The following USP37 variants were observed in gnomAD, a reference collection of about 807,000 sequenced individuals.
USP37 encodes ubiquitin carboxyl-terminal hydrolase 37.
In USP37, 27 loss-of-function variants were observed where a neutral mutation model predicts 124.0. The ratio of observed to expected loss-of-function variants is 0.22; its 90% CI spans 0.16 to 0.30. USP37 has a LOEUF of 0.30. Among genes scored for constraint, USP37 ranks in the 10% least tolerant of loss-of-function variants. USP37 has a pLI of 1.00. For missense variants in USP37, 889 were observed against 1,140.4 expected (o/e 0.78, Z 3.17); for synonymous variants, 365 against 388.0 (o/e 0.94, Z 0.70).
chr2:218,560,170 T>C (rs1486820380), intron 3 of USP37, among the ~76,000 whole-genome samples: 1 of 152,198 alleles, frequency 6.6e-6, no homozygotes, highest in Non-Finnish European at 1.5e-5. Flanking sequence ...CGAACTCAAA[T>C]TTTATACTAT....
intron 5 of USP37, among the ~76,000 whole-genome samples, chr2:218,552,855 T>C (rs564664845): frequency 1.3e-5 from 2 of 152,116 alleles, no homozygotes; most frequent in African/African-American, 4.8e-5. Context: ...CTGGTGGAGG[T>C]TGCAGTGAGC....
In USP37 at chr2:218,534,894, C is replaced by A. The variant is rs201761199; in HGVS notation, c.681-188G>T. Among the ~76,000 whole-genome samples the A allele has an allele frequency of 2.6e-5, 4 of 152,148 alleles. No individual in the cohort carries two copies. The East Asian group carries it at 7.7e-4, about 29-fold the overall frequency. On this transcript the variant is annotated intron_variant, in intron 8 of 25. Coordinates refer to ENST00000258399, the MANE Select transcript of USP37 (RefSeq NM_020935.3). ...AACAAATGAAAATTACAAAAATAATCTTTAATTACTATCTCAAGAGCCAAT... is the reference window on the plus strand; with the variant it reads ...AACAAATGAAAATTACAAAAATAATATTTAATTACTATCTCAAGAGCCAAT...
At chr2:218,535,161 C>T (rs1175984885) in intron 8 of USP37, among the ~76,000 whole-genome samples, 2 of 151,084 alleles carry the variant, frequency 1.3e-5, no homozygotes, top group East Asian at 2.0e-4. Context: ...GTCAGGAGTT[C>T]GAGACCAGCC....
intron 4 of USP37, among the ~76,000 whole-genome samples, chr2:218,554,319 G>C (rs1238217810): frequency 6.6e-6 from 1 of 152,146 alleles, no homozygotes; most frequent in African/African-American, 2.4e-5. Flanking sequence ...TAATTTTACG[G>C]AACAATCCTA....
At chr2:218,502,106 A>C (rs1689420762) in intron 11 of USP37, among the ~76,000 whole-genome samples, 2 of 152,276 alleles carry the variant, frequency 1.3e-5, no homozygotes, top group South Asian at 4.1e-4. Context: ...AGCAGATCAC[A>C]CAGCTGAGAA....
intron 11 of USP37, chr2:218,498,550 G>C (rs1179666315): frequency 6.5e-6 from 1 of 152,926 alleles, no homozygotes; most frequent in Non-Finnish European, 1.5e-5. Context: ...CAATATAGTG[G>C]AACACTGTCT....
In USP37 at chr2:218,549,884, A is replaced by G; in HGVS notation, c.354T>C (p.Gly118=). The G allele has an allele frequency of 6.2e-7, 1 of 1,611,694 alleles. No individual in the cohort carries two copies. Among genetic ancestry groups the G allele is most frequent in the Non-Finnish European group, 8.5e-7 (1 of 1,178,976 alleles). ...PAAMKPSQGS[G]SFGAILGSRT... ...TGCTGCCCAGAATGGCTCCAAAACT[A>G]CCAGACCCCTGAGACGGTTTCATGG... Residue 118 remains glycine (G), a synonymous_variant, in exon 6 of 26, where the codon GGT becomes GGC. Transcript: ENST00000258399.
intron 11 of USP37, among the ~76,000 whole-genome samples, chr2:218,503,631 C>T (rs556705703): frequency 5.2e-4 from 79 of 152,286 alleles, no homozygotes; most frequent in East Asian, 1.9e-4. Flanking sequence ...AGAAGAATTG[C>T]TTGAACCCGG....
At position 218,495,748 on chromosome 2, in the gene USP37, G is replaced by GAC; in HGVS notation, c.1472+10_1472+11dup. The GAC allele has an allele frequency of 6.3e-7, 1 of 1,583,744 alleles. No individual in the cohort carries two copies. Among genetic ancestry groups the GAC allele is most frequent in the Non-Finnish European group, 8.6e-7 (1 of 1,168,486 alleles). Reference sequence around the variant, plus strand: ...AAGTAAAAAGGGAAATCATTTCTTAGACACTACTTACGCTTTACAAATGAT... The same window carrying GAC: ...AAGTAAAAAGGGAAATCATTTCTTAGACACACTACTTACGCTTTACAAATGAT... On this transcript the variant is annotated intron_variant, in intron 14 of 25. Transcript: ENST00000258399.
intron 10 of USP37, among the ~76,000 whole-genome samples, 192 bp from the exon 11 acceptor site, chr2:218,510,332 G>A (rs1224567343): frequency 6.6e-6 from 1 of 152,028 alleles, no homozygotes; most frequent in African/African-American, 2.4e-5. Flanking sequence ...AGTTGGAGAG[G>A]GTTATAATAC....
intron 6 of USP37, among the ~76,000 whole-genome samples, chr2:218,549,586 T>A (rs545608476): frequency 1.3e-5 from 2 of 151,730 alleles, no homozygotes; most frequent in East Asian, 3.9e-4. Flanking sequence ...TGCCTCGGCC[T>A]CCTGAGTAGC....
At chr2:218,476,076 A>G (rs1305946846) in intron 19 of USP37, among the ~76,000 whole-genome samples, 1 of 152,198 alleles carries the variant, frequency 6.6e-6, no homozygotes, top group African/African-American at 2.4e-5. Flanking sequence ...TACTAAAATA[A>G]TTCTATTATT....
chr2:218,499,491 A>G (rs1420921045), intron 11 of USP37, among the ~76,000 whole-genome samples: 1 of 152,186 alleles, frequency 6.6e-6, no homozygotes, highest in African/African-American at 2.4e-5. Context: ...ACTTTAGTGT[A>G]TATTTCATAA....
At chr2:218,506,283 T>A (rs1392584291) in intron 11 of USP37, among the ~76,000 whole-genome samples, 1 of 131,208 alleles carries the variant, frequency 7.6e-6, no homozygotes, top group East Asian at 2.3e-4. Flanking sequence ...ACTTTCTTTC[T>A]GGCTTTTTTT....
chr2:218,500,568 G>A (rs1031562889), intron 11 of USP37, among the ~76,000 whole-genome samples: 14 of 151,900 alleles, frequency 9.2e-5, no homozygotes, highest in East Asian at 3.9e-4. Flanking sequence ...TAGAGACGGC[G>A]TTTCCCCATG....
intron 3 of USP37, among the ~76,000 whole-genome samples, chr2:218,559,150 A>C (rs1056563638): frequency 3.9e-5 from 6 of 152,228 alleles, no homozygotes; most frequent in Non-Finnish European, 8.8e-5. Context: ...CTACAAAAAA[A>C]CTGAAAAAAC....
intron 10 of USP37, among the ~76,000 whole-genome samples, chr2:218,514,675 A>G (rs1690179954): frequency 6.6e-6 from 1 of 152,328 alleles, no homozygotes; most frequent in Middle Eastern, 3.4e-3. Flanking sequence ...TTTTGAGACT[A>G]TGCAAATACC....
rs570339040 is a variant in USP37, at chr2:218,532,073, AAAG to A, written c.779-2036_779-2034del. On this transcript the variant is annotated intron_variant, in intron 9 of 25. Coordinates refer to ENST00000258399, the MANE Select transcript of USP37 (RefSeq NM_020935.3). ...TCTGAAAGGACTGATCCCAATTTTG[AAAG>A]AAGTTCTGTGGGTAAAATGCTATCA... Among the ~76,000 whole-genome samples the A allele has an allele frequency of 1.6e-3, 237 of 152,358 alleles. 1 individual carries two copies. Among genetic ancestry groups the A allele is most frequent in the South Asian group, 5.4e-3 (26 of 4,830 alleles).
chr2:218,474,842 T>C lies in USP37; in HGVS notation c.2087A>G (p.Glu696Gly). The C allele has an allele frequency of 6.2e-7, 1 of 1,614,112 alleles. No homozygotes were observed. Among genetic ancestry groups the C allele is most frequent in the East Asian group, 2.2e-5 (1 of 44,876 alleles). ...CPIEPDKSEL[E>G]NSGFDRMSEE... ...GCTCATTCTGTCAAATCCTGAGTTTTCCAATTCAGACTTGTCAGGCTCTAT... is the reference window on the plus strand; with the variant it reads ...GCTCATTCTGTCAAATCCTGAGTTTCCCAATTCAGACTTGTCAGGCTCTAT... Residue 696 changes from glutamate (E) to glycine (G), a missense_variant, in exon 20 of 26, where the codon GAA becomes GGA. By Grantham distance (98) the Glu-to-Gly change is moderately conservative. Transcript: ENST00000258399.
Sources: allele counts gnomAD v4.1 joint callset (sites outside exome capture counted in the v4.1 genomes callset), GRCh38; gene constraint gnomAD v4.1.1; transcripts MANE v1.5; gene names NCBI Gene and HGNC (gene_info 2026-07-23, HGNC 2026-07-21).